The following DMXL1 variants were observed in gnomAD, a reference collection of about 807,000 sequenced individuals.
The protein encoded by DMXL1 is dmX-like protein 1.
A neutral mutation model predicts 319.2 loss-of-function variants in DMXL1; 99 were observed. That is an observed-to-expected ratio of 0.31 (90% CI 0.26 to 0.37). The LOEUF is 0.37. DMXL1 is among the 10% of genes least tolerant of loss of function. DMXL1 has a pLI of 1.00. For synonymous variants in DMXL1, 1,385 were observed against 1,235.2 expected (o/e 1.12, Z -2.54); for missense variants, 3,745 against 3,595.6 (o/e 1.04, Z -1.06).
chr5:119,078,270 G>A (rs1009929683), intron 1 of DMXL1, among the ~76,000 whole-genome samples: 9 of 151,976 alleles, frequency 5.9e-5, no homozygotes, highest in African/African-American at 2.2e-4. Flanking sequence ...CTGTGCTGCT[G>A]CACCTGGCTC....
At chr5:119,111,863 A>G (rs1015204421) in intron 5 of DMXL1, among the ~76,000 whole-genome samples, 2 of 152,254 alleles carry the variant, frequency 1.3e-5, no homozygotes, top group African/African-American at 4.8e-5. Context: ...TGAAATCAAG[A>G]ATGTGAAATG....
intron 27 of DMXL1, 48 bp downstream of exon 27, chr5:119,177,532 T>A (rs1232085878): frequency 6.7e-7 from 1 of 1,489,936 alleles, no homozygotes; most frequent in Non-Finnish European, 9.0e-7. Context: ...TTATTTATAA[T>A]CTTAGATAAG....
intron 19 of DMXL1, among the ~76,000 whole-genome samples, chr5:119,152,272 T>C (rs1333326594): frequency 2.0e-5 from 3 of 152,234 alleles, no homozygotes; most frequent in Admixed American, 6.5e-5. Context: ...TTCTGTGTTA[T>C]GTTTTTAAAT....
intron 1 of DMXL1, among the ~76,000 whole-genome samples, chr5:119,079,975 T>C (rs1486440755): frequency 2.0e-5 from 3 of 152,218 alleles, no homozygotes; most frequent in African/African-American, 7.2e-5. Context: ...TGGTGTATAG[T>C]CTGTGATGGT....
At position 119,149,341 on chromosome 5, in the gene DMXL1, G is replaced by C. The variant is rs141762168; in HGVS notation, c.3514G>C (p.Val1172Leu). 1 of 1,613,822 alleles carries C rather than the reference G, an allele frequency of 6.2e-7. No individual in the cohort carries two copies. Among genetic ancestry groups the C allele is most frequent in the African/African-American group, 1.3e-5 (1 of 74,890 alleles). ...TATGTATGGACCCCTGGCTGGCAAG[G>C]TACAAGACCAAACTGGTAAGGAAAC... ...LFMYGPLAGKVQDQTGKETLA... is the reference protein window; with the variant it reads ...LFMYGPLAGKLQDQTGKETLA... Residue 1172 changes from valine to leucine, a missense_variant, in exon 18 of 44, where the codon GTA (valine) becomes CTA (leucine). Val to Leu is a conservative substitution (Grantham distance 32, BLOSUM62 1). Around this residue, in one of 4 missense-constraint regions of DMXL1, gnomAD observed 2,096 missense variants for 1,985.4 expected, o/e 1.06. Transcript: ENST00000539542.
chr5:119,145,430 G>A (rs1768301828), intron 15 of DMXL1, among the ~76,000 whole-genome samples: 1 of 151,712 alleles, frequency 6.6e-6, no homozygotes, highest in South Asian at 2.1e-4. Flanking sequence ...TTAATGAGCT[G>A]TGCAAATACA....
chr5:119,089,292 ATTTTTTTTTTTTTTT>A (rs1157921856), intron 1 of DMXL1, among the ~76,000 whole-genome samples: 3 of 39,880 alleles, frequency 7.5e-5, no homozygotes, highest in Non-Finnish European at 9.0e-5. Context: ...ATATATATAT[ATTTTTTTTTTTTTTT>A]TTTTTTTTTT....
chr5:119,175,195 G>T, intron 25 of DMXL1, 66 bp from the exon 26 acceptor site: 1 of 1,204,158 alleles, frequency 8.3e-7, no homozygotes, highest in Non-Finnish European at 1.2e-6. Context: ...GATTATATTA[G>T]GTCTTGAAAA....
chr5:119,098,680 C>A (rs918659261), intron 2 of DMXL1, among the ~76,000 whole-genome samples: 1 of 152,264 alleles, frequency 6.6e-6, no homozygotes, highest in African/African-American at 2.4e-5. Flanking sequence ...GTATAAAATT[C>A]TTCTAGATCA....
intron 34 of DMXL1, among the ~76,000 whole-genome samples, chr5:119,214,254 C>T (rs1209833877): frequency 6.6e-6 from 1 of 152,174 alleles, no homozygotes. Context: ...TTCTTTCCTT[C>T]TTTTATTCAC....
intron 30 of DMXL1, among the ~76,000 whole-genome samples, chr5:119,196,025 C>A (rs73243001): frequency 3.3e-5 from 5 of 152,104 alleles, no homozygotes; most frequent in Non-Finnish European, 5.9e-5. Context: ...ATACTACATA[C>A]AGTGTTCTGC....
Position 119,101,877 on chromosome 5 carries a change from T to G in DMXL1, c.214-58T>G, listed in dbSNP as rs997941703. 2.1e-5 allele frequency: 25 copies of G among 1,184,458 alleles called. No individual in the cohort carries two copies. The African/African-American group carries it at 3.6e-4, about 17-fold the overall frequency. 73.4% of individuals were successfully genotyped at this position (1,184,458 alleles called of 1,614,324 possible). A position where few individuals can be genotyped will look rare whatever the true frequency, so the allele number is the denominator to read the frequency against. ...GTTATAGTATTCATTTCTTTGCTTT[T>G]TTTGATTCATAAGTAAGTTAACATA... On this transcript the variant is annotated intron_variant, in intron 2 of 43. Coordinates refer to ENST00000539542, the MANE Select transcript of DMXL1 (RefSeq NM_001290321.3).
At chr5:119,153,128 C>T (rs1309872768) in intron 19 of DMXL1, among the ~76,000 whole-genome samples, 1 of 152,026 alleles carries the variant, frequency 6.6e-6, no homozygotes, top group Non-Finnish European at 1.5e-5. Context: ...AGGCGCACAC[C>T]ACCACGCCTG....
At chr5:119,073,027 A>G (rs1202490563) in intron 1 of DMXL1, among the ~76,000 whole-genome samples, 4 of 152,190 alleles carry the variant, frequency 2.6e-5, no homozygotes, top group African/African-American at 7.2e-5. Flanking sequence ...CTAAATTTAT[A>G]TGAGTGCTTT....
intron 19 of DMXL1, among the ~76,000 whole-genome samples, chr5:119,153,899 T>G (rs1467526234): frequency 6.6e-6 from 1 of 152,252 alleles, no homozygotes; most frequent in Non-Finnish European, 1.5e-5. Flanking sequence ...GCACCGTTTT[T>G]CCAACAGCAT....
chr5:119,169,294 A>G (rs1313147545), intron 23 of DMXL1, among the ~76,000 whole-genome samples: 1 of 152,220 alleles, frequency 6.6e-6, no homozygotes, highest in Non-Finnish European at 1.5e-5. Flanking sequence ...CTAGAAGAAA[A>G]TTGCAAAAAA....
At chr5:119,081,403 GCATTGTTTATTGGTAGCT>G (rs1014582414) in intron 1 of DMXL1, among the ~76,000 whole-genome samples, 2 of 152,138 alleles carry the variant, frequency 1.3e-5, no homozygotes, top group Non-Finnish European at 2.9e-5. Flanking sequence ...TGTGTGCGAG[GCATTGTTTATTGGTAGCT>G]AAAATCTTTA....
At position 119,193,875 on chromosome 5, in the gene DMXL1, G is replaced by A; in HGVS notation, c.7362G>A (p.Glu2454=). The A allele has an allele frequency of 6.2e-7, 1 of 1,613,120 alleles. No individual in the cohort carries two copies. Among genetic ancestry groups the A allele is most frequent in the Non-Finnish European group, 8.5e-7 (1 of 1,179,564 alleles). Residue 2454 remains glutamate (E), a synonymous_variant, in exon 30 of 44, where the codon GAG becomes GAA. Coordinates refer to ENST00000539542, the MANE Select transcript of DMXL1 (RefSeq NM_001290321.3). ...GTAGAGCCGAATATGATTCAGAGGAGAGTCTGGGAAGTGATGATGATGACA... is the reference window on the plus strand; with the variant it reads ...GTAGAGCCGAATATGATTCAGAGGAAAGTCTGGGAAGTGATGATGATGACA... ...SQSRAEYDSE[E]SLGSDDDDND... is the part of the protein sequence containing the mutation.
intron 34 of DMXL1, among the ~76,000 whole-genome samples, chr5:119,207,928 T>A (rs1044876807): frequency 5.3e-5 from 8 of 152,306 alleles, no homozygotes; most frequent in African/African-American, 1.7e-4. Context: ...CTCAAAAAAA[T>A]TTTTAAGGTT....
Sources: gnomAD v4.1 joint callset for allele counts (sites outside exome capture counted in the v4.1 genomes callset) on GRCh38, gnomAD v4.1.1 for gene constraint, gnomAD v4.1.1 regional missense constraint, MANE v1.5 for transcripts, NCBI Gene and HGNC (gene_info 2026-07-23, HGNC 2026-07-21) for gene names.